The following CCDC34 variants were observed in gnomAD, a reference collection of about 807,000 sequenced individuals.
CCDC34 encodes coiled-coil domain-containing protein 34.
Under a neutral mutation model 44.1 loss-of-function variants are expected in CCDC34, and 40 were observed. That is an observed-to-expected ratio of 0.91 (90% CI 0.70 to 1.18). CCDC34 has a LOEUF of 1.18. Ranked by LOEUF, CCDC34 falls within the 50% of genes most tolerant of loss-of-function variation. CCDC34 has a pLI of 0.00. For synonymous variants in CCDC34, 159 were observed against 158.2 expected (o/e 1.01, Z -0.04); for missense variants, 466 against 452.3 (o/e 1.03, Z -0.28).
intron 3 of CCDC34, among the ~76,000 whole-genome samples, chr11:27,344,887 G>A (rs1004662531): frequency 5.3e-5 from 8 of 152,016 alleles, no homozygotes; most frequent in Non-Finnish European, 1.0e-4. Context: ...ACTAAAACAA[G>A]TTTGAAAAAG....
chr11:27,361,763 G>T (rs1862667792), intron 1 of CCDC34, among the ~76,000 whole-genome samples: 1 of 152,166 alleles, frequency 6.6e-6, no homozygotes, highest in South Asian at 2.1e-4. Context: ...ACTGAAGGGG[G>T]AATCTTGCTA....
At position 27,362,849 on chromosome 11, in the gene CCDC34, G is replaced by C. The variant is rs75941771; in HGVS notation, c.346C>G (p.Gln116Glu). 1 of 1,613,928 alleles carries C rather than the reference G, an allele frequency of 6.2e-7. No individual in the cohort carries two copies. The highest frequency in any genetic ancestry group is 1.1e-5 in the South Asian group (1 of 91,052). Residue 116 changes from glutamine to glutamate, a missense_variant, in exon 1 of 6, where the codon CAG becomes GAG. By Grantham distance (29) the Gln-to-Glu change is conservative (BLOSUM62 2). Transcript: ENST00000328697. ...CCTCGGGTTTACCTGGCGCACCCCT[G>C]TAACTCCATTCCTCTCAGGCTCGCC... is the stretch of plus-strand genomic sequence containing the variant. ...KVASLRGMEL[Q>E]GCASTQVESE...
At position 27,338,762 on chromosome 11, in the gene CCDC34, CA is replaced by C; in HGVS notation, c.*58del. The C allele has an allele frequency of 4.9e-6, 7 of 1,437,390 alleles. No individual in the cohort carries two copies. The highest frequency in any genetic ancestry group is 1.9e-5 in the Admixed American group (1 of 52,582). The allele number at this position is 1,437,390 out of a possible 1,614,324, so 89.0% of individuals were successfully genotyped here. On this transcript the variant is annotated 3_prime_UTR_variant, in exon 6 of 6. Transcript: ENST00000328697. Reference sequence around the variant, plus strand: ...GAGTTATTGACTGAGCAGTAAAAAACAATTTCTGATTTTTAAATTAAATAGC... The same window carrying C: ...GAGTTATTGACTGAGCAGTAAAAAACATTTCTGATTTTTAAATTAAATAGC...
intron 1 of CCDC34, among the ~76,000 whole-genome samples, chr11:27,361,299 C>T (rs1269813944): frequency 1.3e-5 from 2 of 152,216 alleles, no homozygotes; most frequent in African/African-American, 4.8e-5. Flanking sequence ...TTAGTCAGGG[C>T]TTTGGCTCTT....
intron 3 of CCDC34, among the ~76,000 whole-genome samples, chr11:27,343,644 T>C (rs761902455): frequency 3.7e-4 from 57 of 152,336 alleles, no homozygotes; most frequent in Non-Finnish European, 6.9e-4. Flanking sequence ...CCTCCACAAC[T>C]TTACCTATAA....
intron 2 of CCDC34, among the ~76,000 whole-genome samples, chr11:27,354,851 C>G (rs2133347539): frequency 6.6e-6 from 1 of 152,066 alleles, no homozygotes; most frequent in Admixed American, 6.5e-5. Context: ...AGAGTGAGAC[C>G]CTGTCTCAAA....
At chr11:27,352,834 C>T (rs1241424802) in intron 2 of CCDC34, among the ~76,000 whole-genome samples, 1 of 152,156 alleles carries the variant, frequency 6.6e-6, no homozygotes, top group Non-Finnish European at 1.5e-5. Context: ...ATAACCCAAA[C>T]AGTGTTCTAA....
At chr11:27,362,748 G>C in intron 1 of CCDC34, 88 bp downstream of exon 1, 1 of 1,442,228 alleles carries the variant, frequency 6.9e-7, no homozygotes, top group Middle Eastern at 1.9e-4. Context: ...CTTTGGGGCG[G>C]AGGGCAGGAG....
intron 1 of CCDC34, among the ~76,000 whole-genome samples, chr11:27,358,245 T>C (rs4923444): frequency 0.99 from 150,604 of 152,194 alleles, 74,534 homozygotes; most frequent in East Asian, 1. Context: ...AAAATAACAA[T>C]TCAGGGTAAA....
Position 27,339,042 on chromosome 11 carries a change from T to C in CCDC34, c.908-7A>G. On this transcript the variant is annotated splice_region_variant and splice_polypyrimidine_tract_variant and intron_variant, in intron 5 of 5. Transcript: ENST00000328697. ...GAATTTCCACTGTAAAAACCTAAAA[T>C]TATTGAAAAATCAGATCAAAACAAG... The C allele has an allele frequency of 6.3e-7, 1 of 1,592,100 alleles. No individual in the cohort carries two copies. Among genetic ancestry groups the C allele is most frequent in the Non-Finnish European group, 8.5e-7 (1 of 1,171,670 alleles).
intron 3 of CCDC34, among the ~76,000 whole-genome samples, chr11:27,343,009 G>A (rs1336180113): frequency 6.6e-6 from 1 of 152,178 alleles, no homozygotes; most frequent in African/African-American, 2.4e-5. Context: ...GCAGCTTATA[G>A]AATACATTAA....
chr11:27,350,075 G>C (rs1862484170), intron 3 of CCDC34: 3 of 1,341,940 alleles, frequency 2.2e-6, no homozygotes, highest in Non-Finnish European at 2.9e-6. Flanking sequence ...CAAAAGGTCA[G>C]GCCTAGAAAT....
In CCDC34 at chr11:27,347,998, CAG is replaced by C. The variant is rs149949846; in HGVS notation, c.606+2332_606+2333del. Among the ~76,000 whole-genome samples the C allele has an allele frequency of 5.3e-3, 804 of 152,226 alleles. 13 individuals are homozygous for C. The highest frequency in any genetic ancestry group is 0.018 in the African/African-American group (752 of 41,518). On this transcript the variant is annotated intron_variant, in intron 3 of 5. Transcript: ENST00000328697. The stretch of plus-strand genomic sequence containing the variant: ...GCAAAAGGAAGACACAACAGGCACT[CAG>C]AGCAGTCACTACTACCGAGAGAGGA...
intron 3 of CCDC34, chr11:27,349,146 G>A: frequency 1.0e-6 from 1 of 980,732 alleles, no homozygotes; most frequent in Non-Finnish European, 1.2e-6. Context: ...ACTTTTAGAG[G>A]AAAGAGCAAA....
chr11:27,349,720 CAATT>C (rs1862478919), intron 3 of CCDC34: 9 of 976,362 alleles, frequency 9.2e-6, no homozygotes, highest in Middle Eastern at 5.2e-4. Context: ...CATCTTCACT[CAATT>C]AAACTATTTT....
At chr11:27,357,200 T>C (rs1049863671) in intron 2 of CCDC34, among the ~76,000 whole-genome samples, 6 of 152,190 alleles carry the variant, frequency 3.9e-5, no homozygotes, top group Non-Finnish European at 7.3e-5. Context: ...TTCTTAATTA[T>C]GCTTAGCTGT....
intron 3 of CCDC34, among the ~76,000 whole-genome samples, chr11:27,347,279 A>G (rs1327559427): frequency 6.6e-6 from 1 of 152,232 alleles, no homozygotes; most frequent in East Asian, 1.9e-4. Flanking sequence ...GTAAAATGGT[A>G]CATGTACTTT....
chr11:27,341,586 C>T (rs991772960), intron 3 of CCDC34, 36 bp from the exon 4 acceptor site: 1 of 965,616 alleles, frequency 1.0e-6, no homozygotes, highest in African/African-American at 1.7e-5. Flanking sequence ...ATTGTAATAC[C>T]AGTAATTATA....
rs1053025638 is a variant in CCDC34, at chr11:27,351,507, C to T, written c.499-1068G>A. On this transcript the variant is annotated intron_variant, in intron 2 of 5. Coordinates refer to ENST00000328697, the MANE Select transcript of CCDC34 (RefSeq NM_030771.2). The stretch of plus-strand genomic sequence containing the variant: ...CTCAGGAAGTCTTCCAACTTTTAAA[C>T]ACTATACCCCCAAAAGCAAATATCC... Among the ~76,000 whole-genome samples, 3 of 152,180 alleles carry T rather than the reference C, an allele frequency of 2.0e-5. 1 individual carries two copies. Among genetic ancestry groups the T allele is most frequent in the Non-Finnish European group, 1.5e-5 (1 of 68,032 alleles).
Sources: allele counts gnomAD v4.1 joint callset (sites outside exome capture counted in the v4.1 genomes callset), GRCh38; gene constraint gnomAD v4.1.1; transcripts MANE v1.5; gene names NCBI Gene and HGNC (gene_info 2026-07-23, HGNC 2026-07-21).